AKIRIN1: variants seen among roughly 807,000 people sequenced by gnomAD.
AKIRIN1 encodes the protein akirin 1.
AKIRIN1 carries 4 observed loss-of-function variants against 25.9 expected under a neutral mutation model. The ratio of observed to expected loss-of-function variants is 0.15; its 90% CI spans 0.08 to 0.35. The LOEUF (loss-of-function observed/expected upper bound fraction) is 0.35. AKIRIN1 is among the 10% of genes least tolerant of loss of function. The probability of loss-of-function intolerance (pLI) is 1.00; values close to 1 mark genes in which losing one functional copy is unlikely to be tolerated. For missense variants in AKIRIN1, 243 were observed against 266.1 expected (o/e 0.91, Z 0.61); for synonymous variants, 125 against 105.1 (o/e 1.19, Z -1.16).
intron 2 of AKIRIN1, among the ~76,000 whole-genome samples, chr1:38,999,743 G>C (rs1643974210): frequency 6.6e-6 from 1 of 152,200 alleles, no homozygotes; most frequent in Admixed American, 6.5e-5. Context: ...GCAAAAAATT[G>C]TTTCAGTGTG....
chr1:39,003,124 T>A (rs1371022406), intron 3 of AKIRIN1, among the ~76,000 whole-genome samples: 3 of 152,132 alleles, frequency 2.0e-5, no homozygotes, highest in African/African-American at 4.8e-5. Context: ...TTATATACCA[T>A]CAGTGACCCA....
At chr1:38,992,790 C>A (rs1388331385) in intron 1 of AKIRIN1, among the ~76,000 whole-genome samples, 1 of 152,108 alleles carries the variant, frequency 6.6e-6, no homozygotes, top group Non-Finnish European at 1.5e-5. Flanking sequence ...CCAGACCCAC[C>A]GCTCTGTGCC....
At chr1:38,999,160 C>T (rs1021879366) in intron 2 of AKIRIN1, among the ~76,000 whole-genome samples, 4 of 152,200 alleles carry the variant, frequency 2.6e-5, no homozygotes, top group African/African-American at 7.2e-5. Context: ...AGTGTTTGAC[C>T]ATCTCCAGTG....
At chr1:38,994,915 C>T (rs951143366) in intron 1 of AKIRIN1, among the ~76,000 whole-genome samples, 1 of 152,008 alleles carries the variant, frequency 6.6e-6, no homozygotes, top group Admixed American at 6.6e-5. Context: ...GTCTCAAACA[C>T]CTGACCTCAG....
intron 1 of AKIRIN1, among the ~76,000 whole-genome samples, chr1:38,993,401 T>C (rs927894651): frequency 4.0e-5 from 6 of 151,656 alleles, no homozygotes; most frequent in African/African-American, 1.5e-4. Context: ...CGAGGTTGCG[T>C]TGAGCCAAGA....
At chr1:39,003,286 G>A (rs992819177) in intron 3 of AKIRIN1, 61 bp from the exon 4 acceptor site, 67 of 1,509,602 alleles carry the variant, frequency 4.4e-5, no homozygotes, top group African/African-American at 2.7e-5. Flanking sequence ...TGATCCTGAC[G>A]CTTGATTCTT....
At chr1:38,998,651 C>A (rs1280375678) in intron 2 of AKIRIN1, among the ~76,000 whole-genome samples, 3 of 152,010 alleles carry the variant, frequency 2.0e-5, no homozygotes. Context: ...TGCCTGTAAT[C>A]CTAGCACTTT....
chr1:39,003,387 T>C lies in AKIRIN1; in HGVS notation c.537T>C (p.Ile179=), dbSNP rs1465664197. 2 of 1,613,720 alleles carry C rather than the reference T, an allele frequency of 1.2e-6. No individual in the cohort carries two copies. The highest frequency in any genetic ancestry group is 4.5e-5 in the East Asian group (2 of 44,882). Residue 179 remains isoleucine (I), a synonymous_variant, in exon 4 of 5, where the codon ATT becomes ATC. Coordinates refer to ENST00000432648, the MANE Select transcript of AKIRIN1 (RefSeq NM_024595.3). ...ESFVKFTHDQ[I]MRRYGTRPTS... ...TTGTGAAATTCACACATGATCAGAT[T>C]ATGCGACGGTATGGGACAAGGCCAA...
intron 1 of AKIRIN1, among the ~76,000 whole-genome samples, chr1:38,991,843 A>G (rs1221927029): frequency 6.6e-6 from 1 of 152,022 alleles, no homozygotes; most frequent in Non-Finnish European, 1.5e-5. Flanking sequence ...GGAGGGGTGG[A>G]CACCAAGAGG....
intron 1 of AKIRIN1, 142 bp from the exon 2 acceptor site, chr1:38,998,029 G>C: frequency 9.1e-6 from 8 of 879,392 alleles, no homozygotes; most frequent in Non-Finnish European, 1.3e-5. Context: ...GTTTATGTCG[G>C]GGGAGGGGGA....
In AKIRIN1 at chr1:38,991,644, C is replaced by T. The variant is rs1474149389; in HGVS notation, c.220+44C>T. 9 of 322,288 alleles carry T rather than the reference C, an allele frequency of 2.8e-5. No homozygotes were observed. The East Asian group carries it at 7.0e-4, about 25-fold the overall frequency. 20.0% of individuals were successfully genotyped at this position (322,288 alleles called of 1,614,324 possible). ...GGTTTGGCAGGAAGCCAGGCCCAGG[C>T]ATTTTTTGGGGGGGGTGGTGGGGGA... On this transcript the variant is annotated intron_variant, in intron 1 of 4. Transcript: ENST00000432648.
At chr1:38,998,783 G>A (rs1355582672) in intron 2 of AKIRIN1, among the ~76,000 whole-genome samples, 1 of 151,812 alleles carries the variant, frequency 6.6e-6, no homozygotes, top group South Asian at 2.1e-4. Context: ...GCTCGCAGCT[G>A]TAATCCCAGC....
intron 2 of AKIRIN1, among the ~76,000 whole-genome samples, chr1:38,999,559 A>T (rs1214610541): frequency 6.6e-6 from 1 of 152,206 alleles, no homozygotes. Flanking sequence ...TCTTGCACAT[A>T]CATGATAAAC....
At chr1:39,001,890 G>C (rs77736792) in intron 3 of AKIRIN1, among the ~76,000 whole-genome samples, 1 of 151,902 alleles carries the variant, frequency 6.6e-6, no homozygotes, top group Non-Finnish European at 1.5e-5. Context: ...AAACTTCCTA[G>C]TTAAGAAGTC....
chr1:38,996,638 T>C (rs1428411426), intron 1 of AKIRIN1, among the ~76,000 whole-genome samples: 1 of 152,142 alleles, frequency 6.6e-6, no homozygotes, highest in African/African-American at 2.4e-5. Flanking sequence ...CAAGAGATTC[T>C]CCTGCCTCAG....
rs1465664197 is a variant in AKIRIN1, at chr1:39,003,387, T to G, written c.537T>G (p.Ile179Met). The G allele has an allele frequency of 6.2e-7, 1 of 1,613,720 alleles. No homozygotes were observed. The highest frequency in any genetic ancestry group is 1.7e-5 in the Admixed American group (1 of 59,984). The part of the protein sequence containing the change: ...ESFVKFTHDQ[I>M]MRRYGTRPTS... Reference sequence around the variant, plus strand: ...TTGTGAAATTCACACATGATCAGATTATGCGACGGTATGGGACAAGGCCAA... The same window carrying G: ...TTGTGAAATTCACACATGATCAGATGATGCGACGGTATGGGACAAGGCCAA... Residue 179 changes from isoleucine (I) to methionine (M), a missense_variant, in exon 4 of 5, where the codon ATT (isoleucine) becomes ATG (methionine). By Grantham distance (10) the Ile-to-Met change is conservative. This residue lies in a region of AKIRIN1 where 25 missense variants were observed against 45.3 expected (regional missense o/e 0.55). Coordinates refer to ENST00000432648, the MANE Select transcript of AKIRIN1 (RefSeq NM_024595.3).
At chr1:38,992,214 C>G (rs2093705739) in intron 1 of AKIRIN1, among the ~76,000 whole-genome samples, 1 of 151,662 alleles carries the variant, frequency 6.6e-6, no homozygotes, top group Admixed American at 6.6e-5. Context: ...ATCGGTAGAT[C>G]ATTAGCTAGA....
Position 39,004,164 on chromosome 1 carries a change from A to G in AKIRIN1, c.*109A>G. 1 of 1,235,134 alleles carries G rather than the reference A, an allele frequency of 8.1e-7. No individual in the cohort carries two copies. Among genetic ancestry groups the G allele is most frequent in the Non-Finnish European group, 1.2e-6 (1 of 835,222 alleles). 76.5% of individuals were successfully genotyped at this position (1,235,134 alleles called of 1,614,324 possible). ...TCAGCTCCAACTTTGCATCCTGAGA[A>G]CACTTAAACGTTTCTGCAGGTCCAT... On this transcript the variant is annotated 3_prime_UTR_variant, in exon 5 of 5. Coordinates refer to ENST00000432648, the MANE Select transcript of AKIRIN1 (RefSeq NM_024595.3).
chr1:38,997,395 G>GCCCT (rs1643955518), intron 1 of AKIRIN1, among the ~76,000 whole-genome samples: 1 of 152,118 alleles, frequency 6.6e-6, no homozygotes. Context: ...TATTTTCTAA[G>GCCCT]CCCTGACCAT....
Sources: allele counts gnomAD v4.1 joint callset (sites outside exome capture counted in the v4.1 genomes callset), GRCh38; gene constraint gnomAD v4.1.1; regional missense constraint gnomAD v4.1.1; transcripts MANE v1.5; gene names NCBI Gene and HGNC (gene_info 2026-07-23, HGNC 2026-07-21).